PTPN9: variants seen among roughly 807,000 people sequenced by gnomAD.
PTPN9 encodes the protein protein tyrosine phosphatase non-receptor type 9.
In PTPN9, 26 loss-of-function variants were observed where a neutral mutation model predicts 69.8. That is an observed-to-expected ratio of 0.37 (90% CI 0.27 to 0.52). The LOEUF is 0.52. Ranked by LOEUF, PTPN9 falls within the 20% of genes least tolerant of loss-of-function variation. The pLI is 0.91. For synonymous variants in PTPN9, 274 were observed against 272.5 expected, an observed-to-expected ratio of 1.01 and a Z score of -0.05; for missense variants, 549 against 740.3, an observed-to-expected ratio of 0.74 and a Z score of 3.00.
At chr15:75,480,208 ATAAGAG>A (rs926040927) in intron 8 of PTPN9, among the ~76,000 whole-genome samples, 4 of 152,200 alleles carry the variant, frequency 2.6e-5, no homozygotes, top group African/African-American at 7.2e-5. Context: ...AGAATAAAAT[ATAAGAG>A]TAAATCTTTG....
chr15:75,548,900 G>A (rs1365814501), intron 1 of PTPN9, among the ~76,000 whole-genome samples: 6 of 150,768 alleles, frequency 4.0e-5, no homozygotes, highest in East Asian at 2.0e-4. Context: ...TGATCCGCCC[G>A]CCTCAGCCTC....
At position 75,576,429 on chromosome 15, in the gene PTPN9, G is replaced by A. The variant is rs1261740499; in HGVS notation, c.63+2285C>T. ...TACCTGTAATCCCAGATACTCAGGA[G>A]GCTGAGGCAGGAGAATCGCTTGAAC... On this transcript the variant is annotated intron_variant, in intron 1 of 12. Transcript: ENST00000618819. Among the ~76,000 whole-genome samples, 4 of 151,882 alleles carry A rather than the reference G, an allele frequency of 2.6e-5. No homozygotes were observed. In the East Asian group the frequency reaches 5.8e-4, roughly 22 times the overall value.
chr15:75,529,721 C>T (rs1163595199), intron 1 of PTPN9, among the ~76,000 whole-genome samples: 1 of 151,952 alleles, frequency 6.6e-6, no homozygotes, highest in Non-Finnish European at 1.5e-5. Flanking sequence ...ACCAGCCTGG[C>T]CAACATGGTG....
intron 2 of PTPN9, among the ~76,000 whole-genome samples, chr15:75,525,222 AC>A (rs2074922348): frequency 6.7e-6 from 1 of 149,998 alleles, no homozygotes; most frequent in Admixed American, 6.7e-5. Context: ...TTTAATTGAG[AC>A]CAAGTCTCAC....
In PTPN9 at chr15:75,490,294, C is replaced by T. The variant is rs781608991; in HGVS notation, c.976G>A (p.Gly326Arg). The T allele has an allele frequency of 3.7e-6, 6 of 1,608,794 alleles. No individual in the cohort carries two copies. Among genetic ancestry groups the T allele is most frequent in the Non-Finnish European group, 5.1e-6 (6 of 1,175,198 alleles). ...CCATAACGGTTTTTCTCTAGGTTTC[C>T]TGGAGACCTGAAGGAAACGAAACAA... is the stretch of plus-strand genomic sequence containing the variant. ...VGTFHCSMSP[G>R]NLEKNRYGDV... is the part of the protein sequence containing the mutation. Residue 326 changes from glycine to arginine, a missense_variant, in exon 8 of 13, where the codon GGA becomes AGA. Physicochemically the swap from Gly to Arg is moderately radical, Grantham distance 125. This residue lies in a region of PTPN9 where 457 missense variants were observed against 661.9 expected (regional missense o/e 0.69). Coordinates refer to ENST00000618819, the MANE Select transcript of PTPN9 (RefSeq NM_002833.4).
intron 7 of PTPN9, among the ~76,000 whole-genome samples, chr15:75,495,124 G>A (rs1038479231): frequency 1.1e-4 from 17 of 152,140 alleles, no homozygotes; most frequent in Non-Finnish European, 2.2e-4. Context: ...TAAAAATTCT[G>A]AGATAAAGTT....
intron 5 of PTPN9, among the ~76,000 whole-genome samples, chr15:75,515,616 G>A (rs893760171): frequency 6.6e-6 from 1 of 151,806 alleles, no homozygotes; most frequent in Non-Finnish European, 1.5e-5. Flanking sequence ...TAAAAAATAA[G>A]GCCAGGCGCA....
At chr15:75,528,637 C>T (rs1359332991) in intron 1 of PTPN9, among the ~76,000 whole-genome samples, 1 of 151,828 alleles carries the variant, frequency 6.6e-6, no homozygotes, top group Non-Finnish European at 1.5e-5. Context: ...TCAAGCGATC[C>T]TCTCATGATC....
At chr15:75,515,497 G>A (rs1036930992) in intron 5 of PTPN9, among the ~76,000 whole-genome samples, 5 of 151,310 alleles carry the variant, frequency 3.3e-5, no homozygotes, top group East Asian at 3.9e-4. Context: ...GCCAGGCACA[G>A]TGGCCAACAC....
intron 1 of PTPN9, among the ~76,000 whole-genome samples, chr15:75,569,188 G>C (rs1300470253): frequency 2.0e-5 from 3 of 152,184 alleles, no homozygotes; most frequent in Non-Finnish European, 4.4e-5. Flanking sequence ...TATTACACTA[G>C]AGGTTGTATC....
At chr15:75,512,480 AC>A (rs766944991) in intron 5 of PTPN9, among the ~76,000 whole-genome samples, 2 of 152,194 alleles carry the variant, frequency 1.3e-5, no homozygotes, top group Non-Finnish European at 2.9e-5. Context: ...GATTTAAGTC[AC>A]TGGAGCCAGC....
chr15:75,577,098 A>G (rs980231885), intron 1 of PTPN9, among the ~76,000 whole-genome samples: 29 of 152,338 alleles, frequency 1.9e-4, no homozygotes, highest in African/African-American at 6.0e-4. Flanking sequence ...GGTAAAAGAT[A>G]AGGTTTTTAC....
intron 1 of PTPN9, among the ~76,000 whole-genome samples, chr15:75,560,162 C>A (rs967221325): frequency 6.6e-6 from 1 of 151,414 alleles, no homozygotes; most frequent in African/African-American, 2.4e-5. Context: ...AAAAATTTAT[C>A]TGATAACTTA....
intron 1 of PTPN9, among the ~76,000 whole-genome samples, chr15:75,542,035 C>CT (rs2075010861): frequency 7.4e-6 from 1 of 134,782 alleles, no homozygotes; most frequent in Non-Finnish European, 1.5e-5. Context: ...GATGCCATCT[C>CT]AAAAATAAAA....
At chr15:75,521,000 C>T (rs140650520) in intron 4 of PTPN9, among the ~76,000 whole-genome samples, 1 of 152,166 alleles carries the variant, frequency 6.6e-6, no homozygotes, top group Non-Finnish European at 1.5e-5. Context: ...GCAAATACCA[C>T]CATGCCTGGC....
intron 1 of PTPN9, among the ~76,000 whole-genome samples, chr15:75,577,461 T>C (rs2075178828): frequency 6.6e-6 from 1 of 152,192 alleles, no homozygotes; most frequent in African/African-American, 2.4e-5. Context: ...AGGACATTCA[T>C]TACCACTGCT....
chr15:75,480,555 G>C, intron 8 of PTPN9: 2 of 599,666 alleles, frequency 3.3e-6, no homozygotes, highest in Non-Finnish European at 2.3e-6. Context: ...GAGCCCGTCC[G>C]GCCATGGTGG....
At chr15:75,485,911 T>A (rs1280592700) in intron 8 of PTPN9, among the ~76,000 whole-genome samples, 1 of 150,718 alleles carries the variant, frequency 6.6e-6, no homozygotes, top group Non-Finnish European at 1.5e-5. Flanking sequence ...CCATCCTGGC[T>A]AACAAGGTGA....
intron 1 of PTPN9, among the ~76,000 whole-genome samples, chr15:75,532,856 G>C (rs1225222713): frequency 6.6e-6 from 1 of 152,194 alleles, no homozygotes; most frequent in Non-Finnish European, 1.5e-5. Context: ...CAGTTAATCA[G>C]ATTTCTCCCT....
Sources: gnomAD v4.1 joint callset for allele counts (sites outside exome capture counted in the v4.1 genomes callset) on GRCh38, gnomAD v4.1.1 for gene constraint, gnomAD v4.1.1 regional missense constraint, MANE v1.5 for transcripts, NCBI Gene and HGNC (gene_info 2026-07-23, HGNC 2026-07-21) for gene names.